ROBO1: variants seen among roughly 807,000 people sequenced by gnomAD.
The protein encoded by ROBO1 is roundabout homolog 1.
Under a neutral mutation model 195.9 loss-of-function variants are expected in ROBO1, and 149 were observed. The ratio of observed to expected loss-of-function variants is 0.76; its 90% confidence interval spans 0.67 to 0.87. The LOEUF (loss-of-function observed/expected upper bound fraction) is 0.87, where lower values mean the gene tolerates loss of function less well. Ranked by LOEUF, ROBO1 falls within the 40% of genes least tolerant of loss-of-function variation. The pLI is 0.00. For missense variants in ROBO1, 1,933 were observed against 2,068.3 expected (o/e 0.93, Z 1.27); for synonymous variants, 816 against 733.2 (o/e 1.11, Z -1.82).
chr3:79,527,830 A>G (rs1274677050), intron 2 of ROBO1: 1 of 152,408 alleles, frequency 6.6e-6, no homozygotes, highest in African/African-American at 2.4e-5. Flanking sequence ...CCTCTAAAAT[A>G]GAATTTGTGG....
intron 1 of ROBO1, among the ~76,000 whole-genome samples, chr3:79,748,135 A>G (rs1253145972): frequency 6.6e-6 from 1 of 152,182 alleles, no homozygotes; most frequent in African/African-American, 2.4e-5. Context: ...TAATTTTTAC[A>G]TAAATTATTT....
intron 2 of ROBO1, among the ~76,000 whole-genome samples, chr3:79,268,139 C>A (rs909889382): frequency 9.2e-5 from 14 of 151,566 alleles, no homozygotes; most frequent in Middle Eastern, 3.2e-3. Flanking sequence ...AAGGCTATTT[C>A]CTTGAGATTT....
intron 2 of ROBO1, among the ~76,000 whole-genome samples, chr3:79,523,435 A>G (rs1941293694): frequency 6.6e-6 from 1 of 151,756 alleles, no homozygotes; most frequent in South Asian, 2.1e-4. Context: ...AAAAGCCCAC[A>G]AAAAATAGAC....
intron 2 of ROBO1, among the ~76,000 whole-genome samples, chr3:79,569,597 G>T (rs946968272): frequency 1.3e-5 from 2 of 151,452 alleles, no homozygotes; most frequent in Admixed American, 6.6e-5. Context: ...TGCGAGAATT[G>T]GTAAGTATTA....
chr3:78,999,309 C>T (rs767367065), intron 3 of ROBO1, among the ~76,000 whole-genome samples: 39 of 152,048 alleles, frequency 2.6e-4, no homozygotes, highest in Non-Finnish European at 4.7e-4. Flanking sequence ...AACCTAGGTG[C>T]CCATCAACAG....
intron 2 of ROBO1, among the ~76,000 whole-genome samples, chr3:79,499,236 C>T (rs906808125): frequency 1.3e-5 from 2 of 152,150 alleles, no homozygotes; most frequent in Non-Finnish European, 2.9e-5. Flanking sequence ...CTCAGGTGAT[C>T]CACCCACCTT....
chr3:79,193,461 C>G (rs564985281), intron 2 of ROBO1, among the ~76,000 whole-genome samples: 4 of 151,468 alleles, frequency 2.6e-5, no homozygotes, highest in African/African-American at 9.7e-5. Context: ...AGTGCAGAGC[C>G]AGAGGTAGAA....
At position 78,627,171 on chromosome 3, in the gene ROBO1, T is replaced by C. The variant is rs572075293; in HGVS notation, c.3875+150A>G. 4.8e-4 allele frequency: 385 copies of C among 798,124 alleles called. 1 individual carries two copies. Among genetic ancestry groups the C allele is most frequent in the Middle Eastern group, 3.1e-3 (9 of 2,904 alleles). 49.4% of individuals were successfully genotyped at this position (798,124 alleles called of 1,614,324 possible). ...TGCAATGGTCAACAATATGACTTCA[T>C]ATGTTAATTGCCTGGGTTTACTATG... On this transcript the variant is annotated intron_variant, in intron 26 of 30. Transcript: ENST00000464233.
intron 2 of ROBO1, among the ~76,000 whole-genome samples, chr3:79,517,082 TC>T: frequency 6.6e-6 from 1 of 152,288 alleles, no homozygotes; most frequent in East Asian, 1.9e-4. Flanking sequence ...TTGAATTCTT[TC>T]CCTTAGTGTA....
chr3:79,354,025 A>G lies in ROBO1; in HGVS notation c.89-228486T>C, dbSNP rs191260200. Reference sequence around the variant, plus strand: ...CCACCATTGCACTCCAGCCTGGGCGACAGAGCGAGACTCTGTCTCACAAAA... The same window carrying G: ...CCACCATTGCACTCCAGCCTGGGCGGCAGAGCGAGACTCTGTCTCACAAAA... On this transcript the variant is annotated intron_variant, in intron 2 of 30. Transcript: ENST00000464233. Among the ~76,000 whole-genome samples, 329 of 151,844 alleles carry G rather than the reference A, an allele frequency of 2.2e-3. 4 individuals carry two copies. The highest frequency in any genetic ancestry group is 0.016 in the South Asian group (79 of 4,796).
In ROBO1 at chr3:78,639,910, A is replaced by G. The variant is rs780401741; in HGVS notation, c.2883-12T>C. 4 of 1,514,094 alleles carry G rather than the reference A, an allele frequency of 2.6e-6. No homozygotes were observed. The highest frequency in any genetic ancestry group is 2.3e-5 in the Admixed American group (1 of 43,840). The allele number at this position is 1,514,094 out of a possible 1,614,324, so 93.8% of individuals were successfully genotyped here. Reference sequence around the variant, plus strand: ...TGAGAAGTCCAGGCCTAAATAAAAAAAAAATATTAAAGCAAATGTTATATG... The same window carrying G: ...TGAGAAGTCCAGGCCTAAATAAAAAGAAAATATTAAAGCAAATGTTATATG... On this transcript the variant is annotated splice_polypyrimidine_tract_variant and intron_variant, in intron 21 of 30. Transcript: ENST00000464233.
chr3:79,740,946 T>TACTTTTTTTA (rs1192106546), intron 1 of ROBO1, among the ~76,000 whole-genome samples: 1 of 152,188 alleles, frequency 6.6e-6, no homozygotes, highest in Non-Finnish European at 1.5e-5. Context: ...TAAAAAATAG[T>TACTTTTTTTA]TGTGAAATAC....
At chr3:79,632,163 G>A (rs1410471147) in intron 1 of ROBO1, among the ~76,000 whole-genome samples, 3 of 151,982 alleles carry the variant, frequency 2.0e-5, no homozygotes, top group Non-Finnish European at 2.9e-5. Context: ...ACATTATATC[G>A]AAAAGACATC....
intron 2 of ROBO1, among the ~76,000 whole-genome samples, chr3:79,423,066 A>G (rs1453117217): frequency 1.3e-5 from 2 of 152,136 alleles, no homozygotes; most frequent in Non-Finnish European, 2.9e-5. Flanking sequence ...ATAAACATGG[A>G]TTATAATGGG....
At chr3:78,850,867 A>C (rs887929715) in intron 4 of ROBO1, among the ~76,000 whole-genome samples, 12 of 151,392 alleles carry the variant, frequency 7.9e-5, no homozygotes, top group Non-Finnish European at 1.6e-4. Context: ...AGTGCAATGA[A>C]GCTATCTTGG....
Position 79,169,387 on chromosome 3 carries a change from G to A in ROBO1, c.89-43848C>T, listed in dbSNP as rs547164012. The stretch of plus-strand genomic sequence containing the variant: ...TATCATAGCCAATAAATAATTACTT[G>A]TTGAGATTATTCTATAGGATTCCAC... On this transcript the variant is annotated intron_variant, in intron 2 of 30. Transcript: ENST00000464233. Among the ~76,000 whole-genome samples the A allele has an allele frequency of 7.8e-4, 118 of 152,006 alleles. No homozygotes were observed. The Middle Eastern group carries it at 0.01, about 13-fold the overall frequency.
At chr3:79,313,724 A>G (rs2033599922) in intron 2 of ROBO1, among the ~76,000 whole-genome samples, 1 of 152,162 alleles carries the variant, frequency 6.6e-6, no homozygotes, top group South Asian at 2.1e-4. Flanking sequence ...CAATTCACAT[A>G]TAGGTGGGAA....
intron 2 of ROBO1, among the ~76,000 whole-genome samples, chr3:79,159,411 A>G (rs960748455): frequency 3.3e-5 from 5 of 152,086 alleles, no homozygotes; most frequent in African/African-American, 9.6e-5. Context: ...ATCTTCATTA[A>G]ATCTTTATTA....
intron 4 of ROBO1, among the ~76,000 whole-genome samples, chr3:78,845,912 AT>A (rs1338021790): frequency 6.6e-6 from 1 of 152,186 alleles, no homozygotes; most frequent in Non-Finnish European, 1.5e-5. Flanking sequence ...CTAATAAATT[AT>A]TCTTCCTGTA....
Sources: allele counts gnomAD v4.1 joint callset (sites outside exome capture counted in the v4.1 genomes callset), GRCh38; gene constraint gnomAD v4.1.1; transcripts MANE v1.5; gene names NCBI Gene and HGNC (gene_info 2026-07-23, HGNC 2026-07-21).